RGL1: variants seen among roughly 807,000 people sequenced by gnomAD.
The protein encoded by RGL1 is ral guanine nucleotide dissociation stimulator-like 1.
In RGL1, 24 loss-of-function variants were observed where a neutral mutation model predicts 95.2. That is an observed-to-expected ratio of 0.25 (90% confidence interval 0.18 to 0.35). The LOEUF (loss-of-function observed/expected upper bound fraction) is 0.35. RGL1 is among the 10% of genes least tolerant of loss of function. RGL1 has a pLI of 1.00. For synonymous variants in RGL1, 329 were observed against 344.9 expected (o/e 0.95, Z 0.51); for missense variants, 715 against 936.3 (o/e 0.76, Z 3.08).
At chr1:183,842,043 T>C (rs114280308) in intron 2 of RGL1, among the ~76,000 whole-genome samples, 2,580 of 152,314 alleles carry the variant, frequency 0.017, 65 homozygotes, top group African/African-American at 0.054. Flanking sequence ...TTGTTGTTGC[T>C]GGATAGTGGT....
intron 7 of RGL1, among the ~76,000 whole-genome samples, chr1:183,887,022 T>C (rs751855019): frequency 5.3e-5 from 8 of 151,946 alleles, no homozygotes; most frequent in Non-Finnish European, 1.2e-4. Flanking sequence ...GATGTATCTG[T>C]TCCTGAGTTC....
At chr1:183,829,856 T>A (rs919258574) in intron 2 of RGL1, among the ~76,000 whole-genome samples, 9 of 51,112 alleles carry the variant, frequency 1.8e-4, no homozygotes, top group African/African-American at 6.1e-4. Context: ...TTCCCATGTT[T>A]CCTCGTGAAA....
At chr1:183,758,727 G>C (rs1658496867) in intron 2 of RGL1, among the ~76,000 whole-genome samples, 2 of 152,090 alleles carry the variant, frequency 1.3e-5, no homozygotes, top group Non-Finnish European at 2.9e-5. Context: ...CCAAAGCTCT[G>C]CCTCCTAATA....
At chr1:183,686,317 C>G (rs1653580666) in intron 1 of RGL1, among the ~76,000 whole-genome samples, 1 of 152,100 alleles carries the variant, frequency 6.6e-6, no homozygotes, top group Non-Finnish European at 1.5e-5. Context: ...GTATTATTTT[C>G]AGTTGCTGCA....
At chr1:183,849,812 C>A (rs1187159245) in intron 3 of RGL1, among the ~76,000 whole-genome samples, 2 of 151,994 alleles carry the variant, frequency 1.3e-5, no homozygotes, top group Admixed American at 6.6e-5. Context: ...ACTTTGTAAA[C>A]AGTACTGCAA....
At chr1:183,886,174 A>G (rs1404927000) in intron 7 of RGL1, among the ~76,000 whole-genome samples, 2 of 152,178 alleles carry the variant, frequency 1.3e-5, no homozygotes, top group Non-Finnish European at 2.9e-5. Context: ...GAGCAGAGAC[A>G]CAATTGTGCC....
At chr1:183,665,178 G>A (rs546282166) in intron 1 of RGL1, among the ~76,000 whole-genome samples, 4 of 152,250 alleles carry the variant, frequency 2.6e-5, no homozygotes, top group East Asian at 1.9e-4. Flanking sequence ...GCCTGTTAAT[G>A]TGATGGATTA....
Position 183,856,892 on chromosome 1 carries a change from C to A in RGL1, c.348-9104C>A, listed in dbSNP as rs973665587. 7.2e-5 allele frequency among the ~76,000 whole-genome samples: 11 copies of A among 152,132 alleles called. 1 individual carries two copies. In the Middle Eastern group the frequency reaches 0.01, roughly 142 times the overall value. On this transcript the variant is annotated intron_variant, in intron 3 of 17. Transcript: ENST00000360851. ...AGGCTCTTGCTGGCTCACACTTTATCAGGTGGAGAGAAACAGTTTAGCTCA... is the reference window on the plus strand; with the variant it reads ...AGGCTCTTGCTGGCTCACACTTTATAAGGTGGAGAGAAACAGTTTAGCTCA...
chr1:183,844,886 A>G (rs534752072), intron 2 of RGL1, among the ~76,000 whole-genome samples: 3 of 152,334 alleles, frequency 2.0e-5, no homozygotes, highest in South Asian at 2.1e-4. Flanking sequence ...AAAGCCATCT[A>G]CCACATAAGC....
At chr1:183,826,091 T>C (rs2102472223) in intron 2 of RGL1, among the ~76,000 whole-genome samples, 1 of 151,732 alleles carries the variant, frequency 6.6e-6, no homozygotes, top group South Asian at 2.1e-4. Context: ...TCTCACTCTG[T>C]TGCCCAGGCT....
At chr1:183,796,924 T>G (rs552614260) in intron 2 of RGL1, among the ~76,000 whole-genome samples, 21 of 152,356 alleles carry the variant, frequency 1.4e-4, no homozygotes, top group African/African-American at 4.8e-4. Flanking sequence ...CTTTTTTCTT[T>G]TACAGAAATA....
Position 183,926,453 on chromosome 1 carries a change from G to A in RGL1, c.*161G>A. 2.0e-6 allele frequency: 1 copy of A among 489,300 alleles called. No homozygotes were observed. Among genetic ancestry groups the A allele is most frequent in the South Asian group, 4.3e-5 (1 of 23,400 alleles). The allele number at this position is 489,300 out of a possible 1,614,324, so 30.3% of individuals were successfully genotyped here. A position where few individuals can be genotyped will look rare whatever the true frequency, so the allele number is the denominator to read the frequency against. On this transcript the variant is annotated 3_prime_UTR_variant, in exon 18 of 18. Transcript: ENST00000360851. ...GCAAAGCATTATGATAGGCACCGTG[G>A]GGAAACTGGAAATGAATTTGACATG...
chr1:183,647,095 T>G (rs1650344974), intron 1 of RGL1: 1 of 152,384 alleles, frequency 6.6e-6, no homozygotes, highest in Non-Finnish European at 1.5e-5. Flanking sequence ...AAGATCAAAC[T>G]GAGCAGGTGG....
chr1:183,679,388 G>GC (rs1653048507), intron 1 of RGL1, among the ~76,000 whole-genome samples: 1 of 92,590 alleles, frequency 1.1e-5, no homozygotes. Context: ...CCCTCCCCTT[G>GC]CCCCCCACCC....
chr1:183,691,779 T>A (rs964553492), intron 1 of RGL1, among the ~76,000 whole-genome samples: 4 of 152,182 alleles, frequency 2.6e-5, no homozygotes, highest in African/African-American at 9.6e-5. Context: ...TGGAAACTTG[T>A]GCATTTTTGA....
intron 1 of RGL1, among the ~76,000 whole-genome samples, chr1:183,731,427 A>T (rs1259361563): frequency 1.3e-5 from 2 of 152,164 alleles, no homozygotes; most frequent in Non-Finnish European, 2.9e-5. Context: ...GAGCTGATAA[A>T]ATAGAATATG....
chr1:183,809,312 G>A (rs1446633438), intron 2 of RGL1, among the ~76,000 whole-genome samples: 1 of 152,168 alleles, frequency 6.6e-6, no homozygotes, highest in Non-Finnish European at 1.5e-5. Flanking sequence ...CAGATGTGAA[G>A]TATTATACAG....
intron 4 of RGL1, among the ~76,000 whole-genome samples, chr1:183,866,301 G>T (rs756335291): frequency 8.5e-5 from 13 of 152,128 alleles, no homozygotes; most frequent in Non-Finnish European, 1.8e-4. Context: ...AAACAAACAA[G>T]TGAAGAAAAC....
chr1:183,661,982 C>A (rs1051858848), intron 1 of RGL1, among the ~76,000 whole-genome samples: 2 of 149,850 alleles, frequency 1.3e-5, no homozygotes, highest in African/African-American at 5.1e-5. Context: ...TCAATAGATG[C>A]AGAAAAGGCC....
Sources: gnomAD v4.1 joint callset for allele counts (sites outside exome capture counted in the v4.1 genomes callset) on GRCh38, gnomAD v4.1.1 for gene constraint, MANE v1.5 for transcripts, NCBI Gene and HGNC (gene_info 2026-07-23, HGNC 2026-07-21) for gene names.